Variants in GRM8 observed in about 807,000 individuals in gnomAD.
The protein encoded by GRM8 is metabotropic glutamate receptor 8.
In GRM8, 47 loss-of-function variants were observed where a neutral mutation model predicts 87.2. The ratio of observed to expected loss-of-function variants is 0.54; its 90% confidence interval spans 0.43 to 0.69. The LOEUF is 0.69. GRM8 is among the 30% of genes least tolerant of loss of function. The pLI is 0.00. For missense variants in GRM8, 1,019 were observed against 1,139.2 expected, an observed-to-expected ratio of 0.89 and a Z score of 1.52; for synonymous variants, 396 against 404.5, an observed-to-expected ratio of 0.98 and a Z score of 0.25.
At chr7:126,648,230 T>C (rs1381424276) in intron 7 of GRM8, among the ~76,000 whole-genome samples, 1 of 152,128 alleles carries the variant, frequency 6.6e-6, no homozygotes, top group African/African-American at 2.4e-5. Flanking sequence ...TTACACTCTC[T>C]CAAGCCATCC....
At chr7:126,546,526 G>A (rs966095526) in intron 8 of GRM8, among the ~76,000 whole-genome samples, 3 of 152,184 alleles carry the variant, frequency 2.0e-5, no homozygotes, top group African/African-American at 7.2e-5. Flanking sequence ...CCCTAGTCAG[G>A]GGAGGCCTTA....
chr7:126,738,696 G>A (rs1315236786), intron 7 of GRM8, among the ~76,000 whole-genome samples: 1 of 144,264 alleles, frequency 6.9e-6, no homozygotes, highest in South Asian at 2.4e-4. Flanking sequence ...CCAGTGTGGG[G>A]GGTGAGTGGG....
Position 126,439,024 on chromosome 7 carries a change from G to A in GRM8, c.*95C>T. On this transcript the variant is annotated 3_prime_UTR_variant, in exon 11 of 11. Coordinates refer to ENST00000339582, the MANE Select transcript of GRM8 (RefSeq NM_000845.3). ...CTGACTATTGATTTGATTGATTGTA[G>A]TCTACGGAGATCTCCAGGAGTGAAT... 1.3e-6 allele frequency: 1 copy of A among 790,008 alleles called. No homozygotes were observed. Among genetic ancestry groups the A allele is most frequent in the Non-Finnish European group, 2.3e-6 (1 of 434,966 alleles). The allele number at this position is 790,008 out of a possible 1,614,324, so 48.9% of individuals were successfully genotyped here.
rs74655416 is a variant in GRM8 at position 126,956,999 on chromosome 7, T to C, written c.728-52316A>G. ...TGAGTACATGAATGTTTTTCAACTC[T>C]AGGTAACAAATCAGAAGCCCAGGGA... On this transcript the variant is annotated intron_variant, in intron 3 of 10. Transcript: ENST00000339582. Among the ~76,000 whole-genome samples, 946 of 152,308 alleles carry C rather than the reference T, an allele frequency of 6.2e-3. 11 individuals are homozygous for C. The highest frequency in any genetic ancestry group is 0.021 in the African/African-American group (889 of 41,560).
intron 9 of GRM8, among the ~76,000 whole-genome samples, chr7:126,469,958 A>G (rs1013413639): frequency 2.0e-5 from 3 of 152,124 alleles, no homozygotes; most frequent in Non-Finnish European, 2.9e-5. Flanking sequence ...GGAGCTTCCT[A>G]GAGACTTTTT....
intron 3 of GRM8, among the ~76,000 whole-genome samples, chr7:126,964,504 G>C (rs1184036887): frequency 6.6e-6 from 1 of 152,128 alleles, no homozygotes; most frequent in Non-Finnish European, 1.5e-5. Flanking sequence ...CAAAGGATAT[G>C]AACAGACACT....
At chr7:126,939,539 GA>G (rs1179849897) in intron 3 of GRM8, among the ~76,000 whole-genome samples, 2 of 152,280 alleles carry the variant, frequency 1.3e-5, no homozygotes, top group Non-Finnish European at 2.9e-5. Context: ...TCAGATAATG[GA>G]TGACGGAAAC....
intron 6 of GRM8, among the ~76,000 whole-genome samples, chr7:126,837,864 T>C (rs1241592982): frequency 2.0e-5 from 3 of 152,228 alleles, no homozygotes; most frequent in African/African-American, 4.8e-5. Context: ...TGATGAACTA[T>C]TGAGCATCCA....
At chr7:126,578,187 T>A (rs1159666492) in intron 8 of GRM8, among the ~76,000 whole-genome samples, 3 of 152,326 alleles carry the variant, frequency 2.0e-5, no homozygotes, top group East Asian at 3.9e-4. Context: ...GGAAACTCTA[T>A]GAAATTATGT....
chr7:126,644,546 G>A (rs992842577), intron 7 of GRM8, among the ~76,000 whole-genome samples: 3 of 152,100 alleles, frequency 2.0e-5, no homozygotes, highest in Non-Finnish European at 4.4e-5. Flanking sequence ...TGAAAACATT[G>A]GCTAGTTTTC....
chr7:126,943,427 G>A (rs1179164751), intron 3 of GRM8, among the ~76,000 whole-genome samples: 1 of 152,206 alleles, frequency 6.6e-6, no homozygotes, highest in African/African-American at 2.4e-5. Context: ...GACAGGTGTG[G>A]TAGGCACCAA....
intron 2 of GRM8, among the ~76,000 whole-genome samples, chr7:127,109,638 C>T (rs954932793): frequency 5.3e-5 from 8 of 152,288 alleles, no homozygotes; most frequent in African/African-American, 1.7e-4. Flanking sequence ...TCTTCCAAAG[C>T]CTCCGCCATC....
At chr7:126,539,070 C>A (rs1020978180) in intron 8 of GRM8, among the ~76,000 whole-genome samples, 1 of 151,576 alleles carries the variant, frequency 6.6e-6, no homozygotes, top group Non-Finnish European at 1.5e-5. Context: ...GAGATGATTC[C>A]CAAGCTGAAA....
intron 2 of GRM8, among the ~76,000 whole-genome samples, chr7:127,200,608 G>A (rs939276734): frequency 2.0e-5 from 3 of 152,176 alleles, no homozygotes; most frequent in Admixed American, 6.5e-5. Flanking sequence ...TTCTCTGCAG[G>A]CTCTAGAGAG....
intron 9 of GRM8, among the ~76,000 whole-genome samples, chr7:126,463,589 C>T (rs1804146972): frequency 6.6e-6 from 1 of 151,622 alleles, no homozygotes; most frequent in African/African-American, 2.4e-5. Context: ...AAAGAAAGCA[C>T]CAAGCTAGGC....
In GRM8 at chr7:126,534,004, T is replaced by C. The variant is rs559137775; in HGVS notation, c.1495-117A>G. On this transcript the variant is annotated intron_variant, in intron 8 of 10. Transcript: ENST00000339582. Reference sequence around the variant, plus strand: ...CTGACAGTACAAATACAGTTTACCATAATAAGAGTCTCGTTTTTTTTCCCC... The same window carrying C: ...CTGACAGTACAAATACAGTTTACCACAATAAGAGTCTCGTTTTTTTTCCCC... 1.6e-4 allele frequency: 117 copies of C among 749,066 alleles called. No individual in the cohort carries two copies. The African/African-American group carries it at 1.8e-3, about 12-fold the overall frequency. The allele number at this position is 749,066 out of a possible 1,614,324, so 46.4% of individuals were successfully genotyped here. A position where few individuals can be genotyped will look rare whatever the true frequency, so the allele number is the denominator to read the frequency against.
intron 7 of GRM8, among the ~76,000 whole-genome samples, chr7:126,659,491 T>A (rs952360849): frequency 1.3e-5 from 2 of 152,288 alleles, no homozygotes; most frequent in Non-Finnish European, 2.9e-5. Context: ...AGTGAAAGAT[T>A]TTTTAAAGAG....
At chr7:127,163,442 A>AGAAGC (rs1793243931) in intron 2 of GRM8, among the ~76,000 whole-genome samples, 1 of 152,206 alleles carries the variant, frequency 6.6e-6, no homozygotes, top group East Asian at 1.9e-4. Context: ...TACAACCTCC[A>AGAAGC]TGGGTTTCAG....
chr7:127,039,993 G>GCA, intron 3 of GRM8, among the ~76,000 whole-genome samples: 1 of 64,462 alleles, frequency 1.6e-5, no homozygotes, highest in Non-Finnish European at 3.2e-5. Flanking sequence ...AAGGGGAAGG[G>GCA]AGGGGAGGGT....
Sources: gnomAD v4.1 joint callset for allele counts (sites outside exome capture counted in the v4.1 genomes callset) on GRCh38, gnomAD v4.1.1 for gene constraint, MANE v1.5 for transcripts, NCBI Gene and HGNC (gene_info 2026-07-23, HGNC 2026-07-21) for gene names.